The following COMMD10 variants were observed in gnomAD, a reference collection of about 807,000 sequenced individuals.
COMMD10 encodes COMM domain-containing protein 10.
A neutral mutation model predicts 28.9 loss-of-function variants in COMMD10; 33 were observed. The ratio of observed to expected loss-of-function variants is 1.14; its 90% CI spans 0.87 to 1.53. COMMD10 has a LOEUF of 1.53. Among genes scored for constraint, COMMD10 ranks in the 40% most tolerant of loss-of-function variants. The probability of loss-of-function intolerance (pLI) is 0.00; values close to 1 mark genes in which losing one functional copy is unlikely to be tolerated. For synonymous variants in COMMD10, 110 were observed against 81.7 expected (o/e 1.35, Z -1.87); for missense variants, 310 against 233.4 (o/e 1.33, Z -2.14).
chr5:116,118,252 T>C (rs1054530904), intron 4 of COMMD10, among the ~76,000 whole-genome samples: 18 of 152,328 alleles, frequency 1.2e-4, no homozygotes, highest in Middle Eastern at 3.4e-3. Flanking sequence ...TTTTTCTCCA[T>C]AATATTTATT....
chr5:116,152,610 A>T (rs748421218), intron 5 of COMMD10, among the ~76,000 whole-genome samples: 15 of 152,064 alleles, frequency 9.9e-5, no homozygotes, highest in Non-Finnish European at 1.9e-4. Flanking sequence ...GAATGGTGTT[A>T]TTTAATTGTC....
chr5:116,189,465 CCTT>C (rs1316692519), intron 5 of COMMD10, among the ~76,000 whole-genome samples: 2 of 152,094 alleles, frequency 1.3e-5, no homozygotes, highest in African/African-American at 4.8e-5. Flanking sequence ...GGCTTCCTAA[CCTT>C]CTTTAGTGCC....
At chr5:116,228,236 TA>T (rs1749444541) in intron 5 of COMMD10, among the ~76,000 whole-genome samples, 1 of 151,968 alleles carries the variant, frequency 6.6e-6, no homozygotes, top group African/African-American at 2.4e-5. Context: ...AATAAACTTC[TA>T]ATTCCCCTTT....
At chr5:116,291,102 G>A (rs945186191) in intron 5 of COMMD10, among the ~76,000 whole-genome samples, 1 of 152,170 alleles carries the variant, frequency 6.6e-6, no homozygotes, top group Non-Finnish European at 1.5e-5. Flanking sequence ...CTGTGCTGAT[G>A]TGAGGCATTA....
chr5:116,222,079 TAGG>T (rs1749274663), intron 5 of COMMD10, among the ~76,000 whole-genome samples: 1 of 152,124 alleles, frequency 6.6e-6, no homozygotes, highest in Non-Finnish European at 1.5e-5. Context: ...GATGTGGTCA[TAGG>T]AGGAAAAAGA....
intron 5 of COMMD10, among the ~76,000 whole-genome samples, chr5:116,280,239 A>T (rs1751036805): frequency 6.6e-6 from 1 of 151,882 alleles, no homozygotes; most frequent in African/African-American, 2.4e-5. Context: ...AACATTCTTG[A>T]ATCATAGAAT....
intron 5 of COMMD10, among the ~76,000 whole-genome samples, chr5:116,200,270 T>C (rs1052672983): frequency 6.6e-6 from 1 of 152,120 alleles, no homozygotes; most frequent in Non-Finnish European, 1.5e-5. Context: ...GCTTGTACTG[T>C]TTCTGAGGAA....
intron 5 of COMMD10, among the ~76,000 whole-genome samples, chr5:116,247,514 ACATACGTATGTT>A (rs1263558504): frequency 6.6e-6 from 1 of 152,036 alleles, no homozygotes; most frequent in Non-Finnish European, 1.5e-5. Flanking sequence ...TTATAAAGAC[ACATACGTATGTT>A]CATTGCAGCA....
chr5:116,215,002 G>A (rs1184613389), intron 5 of COMMD10, among the ~76,000 whole-genome samples: 1 of 151,990 alleles, frequency 6.6e-6, no homozygotes, highest in Non-Finnish European at 1.5e-5. Context: ...AGCCTTCTAT[G>A]CAAATAGAGG....
At chr5:116,165,129 T>G (rs1459839701) in intron 5 of COMMD10, among the ~76,000 whole-genome samples, 1 of 152,198 alleles carries the variant, frequency 6.6e-6, no homozygotes, top group Admixed American at 6.5e-5. Context: ...TCTCTGAGAC[T>G]AAGATGAGAA....
At chr5:116,258,677 A>G (rs1256962688) in intron 5 of COMMD10, among the ~76,000 whole-genome samples, 4 of 151,744 alleles carry the variant, frequency 2.6e-5, no homozygotes, top group Admixed American at 2.6e-4. Context: ...TATCAATATA[A>G]TTTTTGTACC....
chr5:116,264,740 C>A (rs1750539256), intron 5 of COMMD10, among the ~76,000 whole-genome samples: 1 of 151,718 alleles, frequency 6.6e-6, no homozygotes, highest in Admixed American at 6.6e-5. Flanking sequence ...AGAGATATAC[C>A]ATTTCTGTCA....
intron 5 of COMMD10, among the ~76,000 whole-genome samples, chr5:116,190,921 CAAATT>C (rs1216640676): frequency 6.6e-6 from 1 of 152,104 alleles, no homozygotes; most frequent in Non-Finnish European, 1.5e-5. Flanking sequence ...TTTTAAAAGT[CAAATT>C]AAACATATTA....
chr5:116,289,674 G>C (rs1387309364), intron 5 of COMMD10, among the ~76,000 whole-genome samples: 2 of 151,856 alleles, frequency 1.3e-5, no homozygotes, highest in South Asian at 4.1e-4. Flanking sequence ...GGCATGGGGG[G>C]TGGTGGGTTC....
chr5:116,116,118 C>T (rs1277198040), intron 4 of COMMD10, among the ~76,000 whole-genome samples: 1 of 151,908 alleles, frequency 6.6e-6, no homozygotes, highest in Non-Finnish European at 1.5e-5. Flanking sequence ...CTTGAGAAAT[C>T]TACATGAAAA....
intron 5 of COMMD10, among the ~76,000 whole-genome samples, chr5:116,168,769 C>A (rs908600080): frequency 5.3e-5 from 8 of 152,162 alleles, no homozygotes; most frequent in African/African-American, 1.2e-4. Context: ...ATAAAAAGTT[C>A]TTTGAAACCA....
intron 5 of COMMD10, among the ~76,000 whole-genome samples, chr5:116,227,320 C>G (rs1749418173): frequency 6.6e-6 from 1 of 151,990 alleles, no homozygotes; most frequent in Non-Finnish European, 1.5e-5. Context: ...ATTATTCTTA[C>G]CAATAATTCT....
chr5:116,146,518 A>G (rs143269532), intron 5 of COMMD10, among the ~76,000 whole-genome samples: 3 of 152,032 alleles, frequency 2.0e-5, no homozygotes, highest in Admixed American at 2.0e-4. Context: ...AGATGTCTAG[A>G]TTAAGTTTTC....
At chr5:116,289,560 C>G (rs1304361879) in intron 5 of COMMD10, among the ~76,000 whole-genome samples, 1 of 151,784 alleles carries the variant, frequency 6.6e-6, no homozygotes, top group Non-Finnish European at 1.5e-5. Context: ...TGTGAGTGCC[C>G]TTCTTTAATT....
Sources: gnomAD v4.1 joint callset for allele counts (sites outside exome capture counted in the v4.1 genomes callset) on GRCh38, gnomAD v4.1.1 for gene constraint, MANE v1.5 for transcripts, NCBI Gene and HGNC (gene_info 2026-07-23, HGNC 2026-07-21) for gene names.